The following CAST variants were observed in gnomAD, a reference collection of about 807,000 sequenced individuals.
The protein encoded by CAST is MIR583 host.
CAST carries 76 observed loss-of-function variants against 119.6 expected under a neutral mutation model. That is an observed-to-expected ratio of 0.64 (90% CI 0.53 to 0.77). The LOEUF (loss-of-function observed/expected upper bound fraction) is 0.77, where lower values mean the gene tolerates loss of function less well. CAST is among the 30% of genes least tolerant of loss of function. The pLI is 0.00. For synonymous variants in CAST, 319 were observed against 331.6 expected, an observed-to-expected ratio of 0.96 and a Z score of 0.41; for missense variants, 953 against 946.5, an observed-to-expected ratio of 1.01 and a Z score of -0.09.
the CAST span, among the ~76,000 whole-genome samples, chr5:96,347,878 T>C: frequency 6.6e-6 from 1 of 152,060 alleles, no homozygotes; most frequent in Non-Finnish European, 1.5e-5. Context: ...GCCATCAGGG[T>C]GGATGATGTG....
At chr5:95,974,834 A>G in the CAST span, among the ~76,000 whole-genome samples, 8 of 152,214 alleles carry the variant, frequency 5.3e-5, no homozygotes, top group Non-Finnish European at 8.8e-5. Context: ...AGAACAATAT[A>G]AGAAATATAC....
intron 1 of CAST, among the ~76,000 whole-genome samples, chr5:96,643,448 G>A (rs1246899013): frequency 6.6e-6 from 1 of 152,152 alleles, no homozygotes; most frequent in Non-Finnish European, 1.5e-5. Context: ...AAAGAGTTTG[G>A]AGTTTCTTAC....
At chr5:96,629,736 C>T (rs532976722) in intron 1 of CAST, among the ~76,000 whole-genome samples, 6 of 152,332 alleles carry the variant, frequency 3.9e-5, no homozygotes, top group Non-Finnish European at 8.8e-5. Context: ...GGTTTGTTCA[C>T]CTCCCACCTT....
chr5:96,304,449 T>C, the CAST span, among the ~76,000 whole-genome samples: 3 of 152,238 alleles, frequency 2.0e-5, no homozygotes, highest in Non-Finnish European at 4.4e-5. Context: ...AGCTCTTTAG[T>C]TTAATTAGAT....
chr5:96,205,640 A>G, the CAST span, among the ~76,000 whole-genome samples: 1 of 152,130 alleles, frequency 6.6e-6, no homozygotes, highest in South Asian at 2.1e-4. Flanking sequence ...TGCAAAGGAC[A>G]TGATCTCATT....
the CAST span, among the ~76,000 whole-genome samples, chr5:96,186,626 T>A: frequency 6.6e-6 from 1 of 152,228 alleles, no homozygotes; most frequent in Non-Finnish European, 1.5e-5. Context: ...TTGACTTCAG[T>A]TCTGTTTATA....
chr5:95,990,403 T>A, the CAST span, among the ~76,000 whole-genome samples: 2 of 152,068 alleles, frequency 1.3e-5, no homozygotes, highest in Non-Finnish European at 2.9e-5. Context: ...TATTCTGAAG[T>A]TTTTTCTTTT....
At chr5:96,272,190 A>G in the CAST span, among the ~76,000 whole-genome samples, 1 of 152,184 alleles carries the variant, frequency 6.6e-6, no homozygotes, top group Non-Finnish European at 1.5e-5. Context: ...CACTGTGGAA[A>G]AAACTCTATG....
At chr5:95,963,686 A>G in the CAST span, among the ~76,000 whole-genome samples, 1 of 151,528 alleles carries the variant, frequency 6.6e-6, no homozygotes, top group Non-Finnish European at 1.5e-5. Context: ...ACTATAATCT[A>G]AAAATAATTC....
the CAST span, among the ~76,000 whole-genome samples, chr5:96,138,684 A>C: frequency 6.6e-6 from 1 of 151,974 alleles, no homozygotes; most frequent in Admixed American, 6.6e-5. Flanking sequence ...GATTTTGTAT[A>C]TATACATAAG....
chr5:96,071,495 G>A, the CAST span, among the ~76,000 whole-genome samples: 2 of 151,888 alleles, frequency 1.3e-5, no homozygotes, highest in East Asian at 3.9e-4. Context: ...CCCACCAATG[G>A]CACTGTCATT....
chr5:96,435,176 A>C, the CAST span, among the ~76,000 whole-genome samples: 1 of 152,236 alleles, frequency 6.6e-6, no homozygotes, highest in Non-Finnish European at 1.5e-5. Flanking sequence ...GTGTCAGAGG[A>C]GGAACATATT....
the CAST span, among the ~76,000 whole-genome samples, chr5:96,288,817 C>T: frequency 1.3e-5 from 2 of 152,026 alleles, no homozygotes; most frequent in Non-Finnish European, 2.9e-5. Context: ...ACAGTACAGA[C>T]ATTCAAAGGT....
At chr5:96,433,196 G>A in the CAST span, 4 of 735,790 alleles carry the variant, frequency 5.4e-6, no homozygotes, top group Non-Finnish European at 9.5e-6. Context: ...CGCGAGAGGA[G>A]AGGCTGGGCG....
chr5:96,677,501 C>T (rs768561658), intron 2 of CAST, among the ~76,000 whole-genome samples: 1 of 152,170 alleles, frequency 6.6e-6, no homozygotes, highest in Non-Finnish European at 1.5e-5. Context: ...TGTTAAGAAG[C>T]CATGTTATAA....
At chr5:96,489,113 C>T in the CAST span, among the ~76,000 whole-genome samples, 1 of 152,226 alleles carries the variant, frequency 6.6e-6, no homozygotes, top group Non-Finnish European at 1.5e-5. Context: ...TCAGTTTACA[C>T]AGCACATGCT....
At chr5:96,601,482 A>AT (rs1247646578) in intron 1 of CAST, among the ~76,000 whole-genome samples, 2 of 152,224 alleles carry the variant, frequency 1.3e-5, no homozygotes, top group Non-Finnish European at 2.9e-5. Context: ...ATTTGAAAGG[A>AT]TTTTTTTAAA....
chr5:96,715,253 TC>T (rs1045905116), intron 3 of CAST: 2 of 152,204 alleles, frequency 1.3e-5, no homozygotes, highest in African/African-American at 4.8e-5. Flanking sequence ...GCATTCAACT[TC>T]ATCTAACCTG....
the CAST span, among the ~76,000 whole-genome samples, chr5:96,515,241 T>A: frequency 6.6e-5 from 10 of 151,894 alleles, no homozygotes; most frequent in East Asian, 1.2e-3. Flanking sequence ...GAATAGCTAA[T>A]TAGACATAAG....
Sources: allele counts gnomAD v4.1 joint callset (sites outside exome capture counted in the v4.1 genomes callset), GRCh38; gene constraint gnomAD v4.1.1; transcripts MANE v1.5; gene names NCBI Gene and HGNC (gene_info 2026-07-23, HGNC 2026-07-21).